Variants in MBNL2 observed in about 807,000 individuals in gnomAD.
The protein encoded by MBNL2 is muscleblind-like protein 2.
MBNL2 carries 17 observed loss-of-function variants against 41.9 expected under a neutral mutation model. The ratio of observed to expected loss-of-function variants is 0.41; its 90% confidence interval spans 0.28 to 0.61. MBNL2 has a LOEUF of 0.61. MBNL2 is among the 20% of genes least tolerant of loss of function. The pLI, the probability that MBNL2 is intolerant of heterozygous loss-of-function variation, is 0.35. For missense variants in MBNL2, 336 were observed against 505.6 expected (o/e 0.66, Z 3.22); for synonymous variants, 195 against 182.9 (o/e 1.07, Z -0.53).
At chr13:97,259,224 TG>T (rs1418354761) in intron 1 of MBNL2, among the ~76,000 whole-genome samples, 4 of 152,108 alleles carry the variant, frequency 2.6e-5, no homozygotes, top group Non-Finnish European at 5.9e-5. Context: ...AGACTGGGCT[TG>T]GGTGTGCTGG....
At chr13:97,281,559 T>A (rs1224195993) in intron 2 of MBNL2, among the ~76,000 whole-genome samples, 1 of 152,260 alleles carries the variant, frequency 6.6e-6, no homozygotes, top group African/African-American at 2.4e-5. Flanking sequence ...GTAATGTAGC[T>A]GATGGCAGTA....
the MBNL2 span, among the ~76,000 whole-genome samples, chr13:97,146,778 AC>A: frequency 6.6e-6 from 1 of 152,272 alleles, no homozygotes; most frequent in Non-Finnish European, 1.5e-5. Flanking sequence ...ATGGCCAGTG[AC>A]CCAACAAGAG....
At chr13:97,256,488 T>A (rs2047557084) in intron 1 of MBNL2, among the ~76,000 whole-genome samples, 1 of 152,174 alleles carries the variant, frequency 6.6e-6, no homozygotes, top group Non-Finnish European at 1.5e-5. Flanking sequence ...AATAAATATT[T>A]GCTGCTGATG....
At chr13:97,185,589 A>T in the MBNL2 span, among the ~76,000 whole-genome samples, 1 of 152,168 alleles carries the variant, frequency 6.6e-6, no homozygotes, top group Non-Finnish European at 1.5e-5. Context: ...ACGAAAGCTG[A>T]GGTTGGAGTG....
intron 8 of MBNL2, among the ~76,000 whole-genome samples, chr13:97,376,070 G>A (rs1393917659): frequency 6.6e-6 from 1 of 152,188 alleles, no homozygotes; most frequent in Non-Finnish European, 1.5e-5. Context: ...AAGTGAATGG[G>A]TAGAGGTGTG....
the MBNL2 span, among the ~76,000 whole-genome samples, chr13:97,168,505 T>A: frequency 6.6e-6 from 1 of 152,220 alleles, no homozygotes; most frequent in African/African-American, 2.4e-5. Context: ...CCCCTGGGAC[T>A]TACTAGCTTA....
intron 1 of MBNL2, among the ~76,000 whole-genome samples, chr13:97,237,226 T>G (rs2152801932): frequency 6.6e-6 from 1 of 152,344 alleles, no homozygotes; most frequent in African/African-American, 2.4e-5. Flanking sequence ...TGTGAAGATT[T>G]GGTAAAACAA....
the MBNL2 span, among the ~76,000 whole-genome samples, chr13:97,202,179 G>A: frequency 5.4e-4 from 83 of 152,324 alleles, no homozygotes; most frequent in East Asian, 0.013. Context: ...ATAACATTGT[G>A]TTGGGCTGGA....
At chr13:97,240,905 C>T (rs1028222070) in intron 1 of MBNL2, among the ~76,000 whole-genome samples, 1 of 152,164 alleles carries the variant, frequency 6.6e-6, no homozygotes, top group Non-Finnish European at 1.5e-5. Flanking sequence ...TCTGTCCTCA[C>T]TCGGGCTGTT....
chr13:97,191,339 C>A, the MBNL2 span, among the ~76,000 whole-genome samples: 1 of 149,396 alleles, frequency 6.7e-6, no homozygotes, highest in African/African-American at 2.5e-5. Flanking sequence ...ATTCAAGCTG[C>A]GAGGCAGTAA....
the MBNL2 span, among the ~76,000 whole-genome samples, chr13:97,177,181 T>C: frequency 5.5e-4 from 84 of 151,742 alleles, no homozygotes; most frequent in Non-Finnish European, 9.4e-4. Context: ...CTACTAAAAA[T>C]CCAAAAAATT....
intron 2 of MBNL2, among the ~76,000 whole-genome samples, chr13:97,279,739 T>A (rs867895089): frequency 7.2e-5 from 11 of 152,212 alleles, no homozygotes; most frequent in African/African-American, 2.7e-4. Context: ...TGAGTCTTTT[T>A]TTATTGTTGT....
the MBNL2 span, among the ~76,000 whole-genome samples, chr13:97,161,410 G>T: frequency 2.0e-5 from 3 of 152,222 alleles, no homozygotes; most frequent in Admixed American, 1.3e-4. Flanking sequence ...TCCATGCCAG[G>T]GTTGGACTTC....
chr13:97,383,662 G>A (rs1455848764), intron 8 of MBNL2, among the ~76,000 whole-genome samples: 2 of 152,100 alleles, frequency 1.3e-5, no homozygotes, highest in Middle Eastern at 3.4e-3. Flanking sequence ...GAAATATTAC[G>A]GACATTACAA....
At chr13:97,253,323 C>T (rs2046921243) in intron 1 of MBNL2, among the ~76,000 whole-genome samples, 1 of 152,146 alleles carries the variant, frequency 6.6e-6, no homozygotes, top group Non-Finnish European at 1.5e-5. Flanking sequence ...AAAGTATAGT[C>T]CCAACCCTAC....
the MBNL2 span, among the ~76,000 whole-genome samples, chr13:97,200,420 C>T: frequency 6.6e-6 from 1 of 152,198 alleles, no homozygotes; most frequent in Non-Finnish European, 1.5e-5. Flanking sequence ...AAGTACTAAC[C>T]CAGAACCATA....
chr13:97,150,967 T>C, the MBNL2 span, among the ~76,000 whole-genome samples: 1 of 152,170 alleles, frequency 6.6e-6, no homozygotes, highest in African/African-American at 2.4e-5. Flanking sequence ...AAAAGGCAGA[T>C]TGACCTTGCA....
chr13:97,330,738 C>T (rs1375086651), intron 2 of MBNL2, among the ~76,000 whole-genome samples: 1 of 152,134 alleles, frequency 6.6e-6, no homozygotes, highest in African/African-American at 2.4e-5. Context: ...AAATCTTATG[C>T]CTTAACAAAA....
intron 1 of MBNL2, among the ~76,000 whole-genome samples, chr13:97,242,635 G>C (rs1333705341): frequency 6.6e-6 from 1 of 152,170 alleles, no homozygotes; most frequent in African/African-American, 2.4e-5. Flanking sequence ...GTAGGGTCTA[G>C]AAGAGGAGCA....
Sources: gnomAD v4.1 joint callset for allele counts (sites outside exome capture counted in the v4.1 genomes callset) on GRCh38, gnomAD v4.1.1 for gene constraint, MANE v1.5 for transcripts, NCBI Gene and HGNC (gene_info 2026-07-23, HGNC 2026-07-21) for gene names.